The following CADM2 variants were observed in gnomAD, a reference collection of about 807,000 sequenced individuals.
The protein encoded by CADM2 is immunoglobulin superfamily member 4D.
CADM2 carries 12 observed loss-of-function variants against 49.8 expected under a neutral mutation model. That is an observed-to-expected ratio of 0.24 (90% CI 0.15 to 0.39). CADM2 has a LOEUF of 0.39. Ranked by LOEUF, CADM2 falls within the 10% of genes least tolerant of loss-of-function variation. CADM2 has a pLI of 1.00. For synonymous variants in CADM2, 214 were observed against 175.4 expected, an observed-to-expected ratio of 1.22 and a Z score of -1.74; for missense variants, 378 against 492.3, an observed-to-expected ratio of 0.77 and a Z score of 2.20.
intron 2 of CADM2, among the ~76,000 whole-genome samples, chr3:85,756,470 A>G (rs1021751278): frequency 6.6e-6 from 1 of 152,178 alleles, no homozygotes; most frequent in African/African-American, 2.4e-5. Flanking sequence ...ATACACATAT[A>G]ATTAAATTTT....
At chr3:85,052,081 A>G (rs2035902573) in intron 1 of CADM2, among the ~76,000 whole-genome samples, 1 of 152,162 alleles carries the variant, frequency 6.6e-6, no homozygotes, top group Non-Finnish European at 1.5e-5. Context: ...TAAAATCTAG[A>G]GGAGAAAACC....
At chr3:85,988,744 G>T (rs1728417663) in intron 8 of CADM2, among the ~76,000 whole-genome samples, 1 of 152,218 alleles carries the variant, frequency 6.6e-6, no homozygotes, top group South Asian at 2.1e-4. Context: ...AAATGGTTCA[G>T]TTATAATAAA....
At chr3:85,079,077 T>C (rs944732972) in intron 1 of CADM2, among the ~76,000 whole-genome samples, 1 of 151,850 alleles carries the variant, frequency 6.6e-6, no homozygotes, top group African/African-American at 2.4e-5. Context: ...TAGTTTAAAT[T>C]AGATTTTTAG....
At chr3:85,265,846 T>C (rs2043110580) in intron 1 of CADM2, among the ~76,000 whole-genome samples, 1 of 152,004 alleles carries the variant, frequency 6.6e-6, no homozygotes, top group South Asian at 2.1e-4. Context: ...CTTTCAGTTT[T>C]GCTAAACTAC....
At position 85,144,885 on chromosome 3, in the gene CADM2, G is replaced by A. The variant is rs568761319; in HGVS notation, c.61+185217G>A. Among the ~76,000 whole-genome samples the A allele has an allele frequency of 7.9e-4, 120 of 152,198 alleles. 1 individual carries two copies. Among genetic ancestry groups the A allele is most frequent in the African/African-American group, 2.7e-3 (111 of 41,536 alleles). On this transcript the variant is annotated intron_variant, in intron 1 of 9. Transcript: ENST00000383699. The stretch of plus-strand genomic sequence containing the variant: ...GACATAAATACATCAAATCATAAAT[G>A]GAGAGCAAGTCTTTTAACTACTCTT...
chr3:85,190,544 G>C (rs1024395561), intron 1 of CADM2, among the ~76,000 whole-genome samples: 1 of 152,022 alleles, frequency 6.6e-6, no homozygotes, highest in Non-Finnish European at 1.5e-5. Flanking sequence ...AAATTATTCA[G>C]TAAAATTTGC....
intron 1 of CADM2, among the ~76,000 whole-genome samples, chr3:85,530,787 A>G (rs1422035988): frequency 6.6e-6 from 1 of 151,926 alleles, no homozygotes; most frequent in Non-Finnish European, 1.5e-5. Flanking sequence ...ATTGGTAGGT[A>G]AAAGCATGAT....
At chr3:85,633,361 A>C (rs1369479369) in intron 1 of CADM2, among the ~76,000 whole-genome samples, 1 of 152,062 alleles carries the variant, frequency 6.6e-6, no homozygotes, top group Non-Finnish European at 1.5e-5. Context: ...GCTGGAGATG[A>C]TAATGCTTAT....
intron 1 of CADM2, among the ~76,000 whole-genome samples, chr3:85,352,536 T>C (rs1248814653): frequency 3.9e-5 from 6 of 152,108 alleles, no homozygotes; most frequent in Admixed American, 3.9e-4. Flanking sequence ...GCTTCATTTA[T>C]TTGGAGGACC....
At chr3:85,575,641 TAAA>T (rs1461188208) in intron 1 of CADM2, among the ~76,000 whole-genome samples, 4 of 152,252 alleles carry the variant, frequency 2.6e-5, no homozygotes, top group South Asian at 4.1e-4. Flanking sequence ...TTATGTAAAA[TAAA>T]GAAGATAGGA....
At chr3:85,975,482 T>C (rs1371874612) in intron 8 of CADM2, among the ~76,000 whole-genome samples, 3 of 151,506 alleles carry the variant, frequency 2.0e-5, no homozygotes, top group Non-Finnish European at 4.4e-5. Context: ...AATTTATGTA[T>C]AATTACTAAT....
chr3:85,749,510 AG>A (rs1468393417), intron 2 of CADM2, among the ~76,000 whole-genome samples: 1 of 152,036 alleles, frequency 6.6e-6, no homozygotes, highest in Non-Finnish European at 1.5e-5. Context: ...CAATCTAAAA[AG>A]AAAAAGATTA....
At chr3:85,729,022 G>T (rs2067825260) in intron 2 of CADM2, among the ~76,000 whole-genome samples, 1 of 152,052 alleles carries the variant, frequency 6.6e-6, no homozygotes, top group African/African-American at 2.4e-5. Context: ...GTAGCAACTA[G>T]CTCTTTGCTT....
chr3:86,049,669 C>T (rs546882927), intron 8 of CADM2, among the ~76,000 whole-genome samples: 1 of 152,122 alleles, frequency 6.6e-6, no homozygotes, highest in Non-Finnish European at 1.5e-5. Flanking sequence ...GGGGGGCAGG[C>T]ATCAGAAGAC....
At chr3:85,436,501 G>A (rs1196870399) in intron 1 of CADM2, among the ~76,000 whole-genome samples, 1 of 151,970 alleles carries the variant, frequency 6.6e-6, no homozygotes, top group African/African-American at 2.4e-5. Flanking sequence ...GTTTTCAAAG[G>A]GAACACTTCC....
intron 3 of CADM2, among the ~76,000 whole-genome samples, chr3:85,840,195 T>G (rs1178319627): frequency 1.3e-5 from 2 of 151,902 alleles, no homozygotes; most frequent in Non-Finnish European, 2.9e-5. Flanking sequence ...TACTGTTAAT[T>G]TCACAGCATT....
chr3:85,984,041 A>G (rs1478461715), intron 8 of CADM2, among the ~76,000 whole-genome samples: 1 of 149,628 alleles, frequency 6.7e-6, no homozygotes, highest in African/African-American at 2.4e-5. Context: ...CATATTATAT[A>G]TGATCTATCT....
intron 1 of CADM2, among the ~76,000 whole-genome samples, chr3:85,703,741 T>A (rs1385700756): frequency 6.6e-6 from 1 of 152,038 alleles, no homozygotes; most frequent in Non-Finnish European, 1.5e-5. Context: ...AAAAGGAAAA[T>A]TGAGGAATGA....
chr3:85,670,684 T>C (rs749164396), intron 1 of CADM2, among the ~76,000 whole-genome samples: 11 of 152,172 alleles, frequency 7.2e-5, no homozygotes, highest in Non-Finnish European at 1.3e-4. Flanking sequence ...ATGATGGCCA[T>C]GTATGATCTG....
Sources: gnomAD v4.1 joint callset for allele counts (sites outside exome capture counted in the v4.1 genomes callset) on GRCh38, gnomAD v4.1.1 for gene constraint, MANE v1.5 for transcripts, NCBI Gene and HGNC (gene_info 2026-07-23, HGNC 2026-07-21) for gene names.